Variants in PLA2G12B observed in about 807,000 individuals in gnomAD.
The protein encoded by PLA2G12B is group XIIB secretory phospholipase A2-like protein.
In PLA2G12B, 19 loss-of-function variants were observed where a neutral mutation model predicts 22.3. The ratio of observed to expected loss-of-function variants is 0.85; its 90% confidence interval spans 0.60 to 1.25. PLA2G12B has a LOEUF of 1.25. Among genes scored for constraint, PLA2G12B ranks in the 50% most tolerant of loss-of-function variants. The pLI is 0.00. For synonymous variants in PLA2G12B, 81 were observed against 94.9 expected, an observed-to-expected ratio of 0.85 and a Z score of 0.85; for missense variants, 191 against 246.6, an observed-to-expected ratio of 0.77 and a Z score of 1.51.
chr10:72,947,148 C>T (rs972031279), intron 1 of PLA2G12B, among the ~76,000 whole-genome samples: 1 of 152,058 alleles, frequency 6.6e-6, no homozygotes, highest in Non-Finnish European at 1.5e-5. Context: ...TGGTCTTAAA[C>T]TCCTAGGCTC....
intron 1 of PLA2G12B, among the ~76,000 whole-genome samples, chr10:72,947,114 G>A (rs192265056): frequency 3.9e-5 from 6 of 152,118 alleles, no homozygotes; most frequent in Admixed American, 1.3e-4. Context: ...TGATAGAGAT[G>A]GGGTCTTGCT....
At chr10:72,946,000 G>A (rs1219888916) in intron 1 of PLA2G12B, among the ~76,000 whole-genome samples, 9 of 152,020 alleles carry the variant, frequency 5.9e-5, no homozygotes, top group Non-Finnish European at 2.9e-5. Context: ...CAGCTTTATT[G>A]AGCTATAATT....
intron 1 of PLA2G12B, among the ~76,000 whole-genome samples, chr10:72,946,143 AC>A (rs1846437025): frequency 6.6e-6 from 1 of 152,102 alleles, no homozygotes; most frequent in Admixed American, 6.6e-5. Context: ...GTACCCATTA[AC>A]CACCTCTCCC....
Position 72,935,310 on chromosome 10 carries a change from T to TCCAGG in PLA2G12B, c.*302_*306dup. On this transcript the variant is annotated 3_prime_UTR_variant, in exon 4 of 4. Coordinates refer to ENST00000373032, the MANE Select transcript of PLA2G12B (RefSeq NM_032562.5). Reference sequence around the variant, plus strand: ...TTCACTCATGAATATAACTATCAGGTCCAGGAATTGCAGGGTTTGCTTGCA... The same window carrying TCCAGG: ...TTCACTCATGAATATAACTATCAGGTCCAGGCCAGGAATTGCAGGGTTTGCTTGCA... 4.1e-6 allele frequency: 1 copy of TCCAGG among 243,086 alleles called. No homozygotes were observed. The highest frequency in any genetic ancestry group is 7.9e-6 in the Non-Finnish European group (1 of 126,580). 15.1% of individuals were successfully genotyped at this position (243,086 alleles called of 1,614,324 possible). A position where few individuals can be genotyped will look rare whatever the true frequency, so the allele number is the denominator to read the frequency against.
chr10:72,941,403 A>T, intron 2 of PLA2G12B, 69 bp from the exon 3 acceptor site: 9 of 1,449,376 alleles, frequency 6.2e-6, no homozygotes, highest in Non-Finnish European at 8.5e-6. Flanking sequence ...ACCTTAGGCA[A>T]CCTTGCCCAC....
chr10:72,949,162 A>G (rs774418000), intron 1 of PLA2G12B, among the ~76,000 whole-genome samples: 1 of 152,160 alleles, frequency 6.6e-6, no homozygotes, highest in Non-Finnish European at 1.5e-5. Flanking sequence ...CAAATTGCAT[A>G]TCCTGCACAT....
chr10:72,942,149 G>GT, intron 2 of PLA2G12B, among the ~76,000 whole-genome samples: 2 of 136,038 alleles, frequency 1.5e-5, no homozygotes, highest in East Asian at 4.4e-4. Flanking sequence ...CAGGGCGTCG[G>GT]GTGTGTGTGT....
Position 72,942,640 on chromosome 10 carries a change from G to A in PLA2G12B, c.300+12C>T. Reference sequence around the variant, plus strand: ...ACCAACCAACCAAGAAGGTAATGCTGGCAGTACATACACTTTCTGGTACCT... The same window carrying A: ...ACCAACCAACCAAGAAGGTAATGCTAGCAGTACATACACTTTCTGGTACCT... On this transcript the variant is annotated intron_variant, in intron 2 of 3. Transcript: ENST00000373032. 2.5e-6 allele frequency: 4 copies of A among 1,584,648 alleles called. No individual in the cohort carries two copies. The highest frequency in any genetic ancestry group is 3.4e-6 in the Non-Finnish European group (4 of 1,162,344).
intron 2 of PLA2G12B, among the ~76,000 whole-genome samples, 155 bp downstream of exon 2, chr10:72,942,497 T>G (rs560479274): frequency 2.1e-4 from 32 of 152,312 alleles, no homozygotes; most frequent in African/African-American, 7.5e-4. Context: ...AAATCAGATA[T>G]CTTCTTTAAA....
At chr10:72,941,102 G>T in intron 3 of PLA2G12B, 67 bp downstream of exon 3, 1 of 1,488,196 alleles carries the variant, frequency 6.7e-7, no homozygotes, top group African/African-American at 1.4e-5. Flanking sequence ...AGGGGTTCTG[G>T]CTATATCTCG....
intron 3 of PLA2G12B, among the ~76,000 whole-genome samples, chr10:72,939,839 C>T (rs1032838086): frequency 8.5e-5 from 13 of 152,144 alleles, no homozygotes; most frequent in Admixed American, 5.2e-4. Context: ...GGATTTCATC[C>T]GTAAGGAGGA....
In PLA2G12B at chr10:72,935,353, A is replaced by C; in HGVS notation, c.*264T>G. ...TGCTTGCATTTTAGTCTTTAAGCTA[A>C]GAACTGAATTTCCAGGCAAATGTGT... On this transcript the variant is annotated 3_prime_UTR_variant, in exon 4 of 4. Transcript: ENST00000373032. 2.9e-6 allele frequency: 1 copy of C among 349,048 alleles called. No individual in the cohort carries two copies. The highest frequency in any genetic ancestry group is 5.1e-6 in the Non-Finnish European group (1 of 194,608). 21.6% of individuals were successfully genotyped at this position (349,048 alleles called of 1,614,324 possible).
chr10:72,939,256 C>A (rs1349370243), intron 3 of PLA2G12B, among the ~76,000 whole-genome samples: 1 of 152,056 alleles, frequency 6.6e-6, no homozygotes, highest in Non-Finnish European at 1.5e-5. Context: ...TCTGTTTCAA[C>A]AACAACAAAA....
At chr10:72,938,866 G>A (rs1158688557) in intron 3 of PLA2G12B, among the ~76,000 whole-genome samples, 2 of 152,162 alleles carry the variant, frequency 1.3e-5, no homozygotes, top group East Asian at 3.8e-4. Context: ...ATCCAAAATA[G>A]TCTTGACAGA....
At chr10:72,951,857 G>A (rs1490367361) in intron 1 of PLA2G12B, among the ~76,000 whole-genome samples, 1 of 152,196 alleles carries the variant, frequency 6.6e-6, no homozygotes, top group Non-Finnish European at 1.5e-5. Context: ...TACAGATTTT[G>A]TGTGTTGGCA....
At chr10:72,946,878 T>C (rs1846450888) in intron 1 of PLA2G12B, among the ~76,000 whole-genome samples, 2 of 152,168 alleles carry the variant, frequency 1.3e-5, no homozygotes, top group Non-Finnish European at 2.9e-5. Context: ...GTGGGTTGTC[T>C]TTTCACGTTT....
chr10:72,949,303 A>T (rs1488756477), intron 1 of PLA2G12B, among the ~76,000 whole-genome samples: 1 of 152,042 alleles, frequency 6.6e-6, no homozygotes, highest in Non-Finnish European at 1.5e-5. Context: ...AAATTTTGCC[A>T]CTCTGTTGGC....
At chr10:72,937,182 C>G (rs1435602767) in intron 3 of PLA2G12B, among the ~76,000 whole-genome samples, 1 of 152,102 alleles carries the variant, frequency 6.6e-6, no homozygotes, top group Admixed American at 6.5e-5. Context: ...TGCACTCCAG[C>G]CTGGGCGACA....
At chr10:72,954,108 CCTT>C (rs61334645) in intron 1 of PLA2G12B, among the ~76,000 whole-genome samples, 11,702 of 152,162 alleles carry the variant, frequency 0.077, 1,275 homozygotes, top group African/African-American at 0.24. Flanking sequence ...TACCCACCCT[CCTT>C]CTTCCCACCC....
Sources: allele counts gnomAD v4.1 joint callset (sites outside exome capture counted in the v4.1 genomes callset), GRCh38; gene constraint gnomAD v4.1.1; transcripts MANE v1.5; gene names NCBI Gene and HGNC (gene_info 2026-07-23, HGNC 2026-07-21).